PHACTR1: variants seen among roughly 807,000 people sequenced by gnomAD.
PHACTR1 encodes the protein phosphatase and actin regulator 1.
A neutral mutation model predicts 69.2 loss-of-function variants in PHACTR1; 16 were observed. The ratio of observed to expected loss-of-function variants is 0.23; its 90% CI spans 0.16 to 0.35. The LOEUF (loss-of-function observed/expected upper bound fraction) is 0.35. PHACTR1 is among the 10% of genes least tolerant of loss of function. The pLI is 1.00. For missense variants in PHACTR1, 510 were observed against 734.7 expected, an observed-to-expected ratio of 0.69 and a Z score of 3.54; for synonymous variants, 312 against 284.5, an observed-to-expected ratio of 1.10 and a Z score of -0.97.
chr6:13,227,559 G>A (rs566253407), intron 8 of PHACTR1, among the ~76,000 whole-genome samples: 2 of 152,012 alleles, frequency 1.3e-5, no homozygotes, highest in African/African-American at 4.8e-5. Context: ...CCTATCCCAC[G>A]CCACTATTCC....
intron 5 of PHACTR1, among the ~76,000 whole-genome samples, chr6:13,071,186 G>A (rs1809468242): frequency 6.6e-6 from 1 of 152,108 alleles, no homozygotes; most frequent in Non-Finnish European, 1.5e-5. Context: ...CAGCACTTTG[G>A]GAGGTCGAGG....
chr6:12,745,421 G>C (rs1359396018), intron 3 of PHACTR1, among the ~76,000 whole-genome samples: 1 of 152,192 alleles, frequency 6.6e-6, no homozygotes, highest in Non-Finnish European at 1.5e-5. Context: ...TGGCAGTGGG[G>C]TGGGGAGGGT....
chr6:13,054,014 T>C (rs1388604258), intron 5 of PHACTR1, among the ~76,000 whole-genome samples: 4 of 152,188 alleles, frequency 2.6e-5, no homozygotes, highest in Non-Finnish European at 5.9e-5. Context: ...TGAATCATTG[T>C]AGTGGCAAAG....
At chr6:13,013,618 C>G (rs1408656609) in intron 4 of PHACTR1, among the ~76,000 whole-genome samples, 1 of 152,084 alleles carries the variant, frequency 6.6e-6, no homozygotes, top group Admixed American at 6.5e-5. Context: ...CGTGAGACCC[C>G]GAGAGAGGTG....
intron 8 of PHACTR1, among the ~76,000 whole-genome samples, chr6:13,206,889 C>T (rs561155653): frequency 3.3e-5 from 5 of 151,984 alleles, no homozygotes; most frequent in Admixed American, 3.3e-4. Context: ...GTGGGGAGAA[C>T]GTGCAGACTC....
intron 5 of PHACTR1, among the ~76,000 whole-genome samples, chr6:13,066,605 A>C (rs1307948597): frequency 6.6e-6 from 1 of 152,192 alleles, no homozygotes; most frequent in Non-Finnish European, 1.5e-5. Flanking sequence ...TAAAAACAGC[A>C]ACCTCTGTAT....
chr6:13,217,065 G>A (rs1382438063), intron 8 of PHACTR1, among the ~76,000 whole-genome samples: 1 of 152,108 alleles, frequency 6.6e-6, no homozygotes, highest in African/African-American at 2.4e-5. Context: ...AAGTTTTGCA[G>A]ATCAAAAATA....
At chr6:12,777,673 C>T (rs1203791054) in intron 4 of PHACTR1, among the ~76,000 whole-genome samples, 1 of 142,748 alleles carries the variant, frequency 7.0e-6, no homozygotes, top group Non-Finnish European at 1.5e-5. Context: ...GCTCTGTCAC[C>T]CAGGCTGGAG....
intron 4 of PHACTR1, among the ~76,000 whole-genome samples, chr6:12,834,174 T>C (rs1777893753): frequency 6.6e-6 from 1 of 152,200 alleles, no homozygotes; most frequent in Non-Finnish European, 1.5e-5. Context: ...ACTTTACTTA[T>C]TCTTTCCATT....
At chr6:13,072,570 A>G (rs1296572108) in intron 5 of PHACTR1, among the ~76,000 whole-genome samples, 2 of 152,110 alleles carry the variant, frequency 1.3e-5, no homozygotes, top group South Asian at 4.1e-4. Flanking sequence ...TTTAAAGTTG[A>G]CCTTATGTCA....
At chr6:12,910,229 A>G (rs1475764840) in intron 4 of PHACTR1, among the ~76,000 whole-genome samples, 5 of 152,204 alleles carry the variant, frequency 3.3e-5, no homozygotes, top group Non-Finnish European at 7.3e-5. Context: ...ACCAAGGATT[A>G]TATCAGGCCC....
intron 4 of PHACTR1, among the ~76,000 whole-genome samples, chr6:12,961,418 T>C (rs1380087890): frequency 1.3e-5 from 2 of 152,202 alleles, no homozygotes; most frequent in Non-Finnish European, 2.9e-5. Context: ...TATAAATTCA[T>C]GTGCCCTGGG....
At chr6:13,067,919 T>TTTTATGGG (rs1808904432) in intron 5 of PHACTR1, among the ~76,000 whole-genome samples, 1 of 152,174 alleles carries the variant, frequency 6.6e-6, no homozygotes, top group African/African-American at 2.4e-5. Flanking sequence ...TGGTATAGAC[T>TTTTATGGG]AGTGGTTAGG....
intron 4 of PHACTR1, among the ~76,000 whole-genome samples, chr6:12,932,344 A>T (rs77839719): frequency 6.6e-6 from 1 of 152,172 alleles, no homozygotes; most frequent in African/African-American, 2.4e-5. Context: ...TCTCTATGCC[A>T]GTAAATATGT....
At chr6:13,223,612 A>G (rs542129567) in intron 8 of PHACTR1, among the ~76,000 whole-genome samples, 3 of 152,350 alleles carry the variant, frequency 2.0e-5, no homozygotes, top group South Asian at 4.1e-4. Context: ...GACACATCTC[A>G]TAAGTATCAC....
At chr6:12,982,069 A>T (rs753890386) in intron 4 of PHACTR1, among the ~76,000 whole-genome samples, 3 of 152,126 alleles carry the variant, frequency 2.0e-5, no homozygotes, top group Non-Finnish European at 4.4e-5. Context: ...GACCTTTGAG[A>T]AGAGATTAGA....
At chr6:13,036,859 A>G (rs2127703476) in intron 4 of PHACTR1, among the ~76,000 whole-genome samples, 1 of 152,322 alleles carries the variant, frequency 6.6e-6, no homozygotes, top group Non-Finnish European at 1.5e-5. Context: ...AAATATACAT[A>G]CTGAAACCAG....
At chr6:13,184,804 G>A (rs1425871632) in intron 7 of PHACTR1, 1 of 1,366,582 alleles carries the variant, frequency 7.3e-7, no homozygotes, top group South Asian at 1.1e-5. Flanking sequence ...CTCAGTGTCT[G>A]AAGAGAGTCC....
intron 4 of PHACTR1, among the ~76,000 whole-genome samples, chr6:12,856,567 T>C (rs1780392594): frequency 6.6e-6 from 1 of 152,252 alleles, no homozygotes; most frequent in East Asian, 1.9e-4. Context: ...AAATTCATCC[T>C]TTCTTAAATT....
Sources: gnomAD v4.1 joint callset for allele counts (sites outside exome capture counted in the v4.1 genomes callset) on GRCh38, gnomAD v4.1.1 for gene constraint, MANE v1.5 for transcripts, NCBI Gene and HGNC (gene_info 2026-07-23, HGNC 2026-07-21) for gene names.